Variants in CHIC1 observed in about 807,000 individuals in gnomAD.
CHIC1 encodes cysteine rich hydrophobic domain 1.
Under a neutral mutation model 18.5 loss-of-function variants are expected in CHIC1, and 7 were observed. The observed-to-expected ratio is 0.38, with a 90% CI of 0.22 to 0.71. The LOEUF (loss-of-function observed/expected upper bound fraction) is 0.71. Among genes scored for constraint, CHIC1 ranks in the 30% least tolerant of loss-of-function variants. The probability of loss-of-function intolerance (pLI) is 0.49; values close to 1 mark genes in which losing one functional copy is unlikely to be tolerated. For synonymous variants in CHIC1, 77 were observed against 73.5 expected (o/e 1.05, Z -0.25); for missense variants, 159 against 176.9 (o/e 0.90, Z 0.57).
At chrX:73,652,513 C>T (rs2057921956) in intron 3 of CHIC1, among the ~76,000 whole-genome samples, 2 of 112,052 alleles carry the variant, frequency 1.8e-5, no homozygotes, top group African/African-American at 3.2e-5. Context: ...TACCCAGAAT[C>T]TACTAGGAAC....
At chrX:73,664,720 A>G (rs1374545937) in intron 3 of CHIC1, among the ~76,000 whole-genome samples, 2 of 111,773 alleles carry the variant, frequency 1.8e-5, no homozygotes, top group African/African-American at 6.5e-5. Context: ...ACACTTGTGT[A>G]TAGACCTGGG....
At chrX:73,621,846 T>G (rs796589693) in intron 3 of CHIC1, among the ~76,000 whole-genome samples, 2 of 112,110 alleles carry the variant, frequency 1.8e-5, no homozygotes, top group South Asian at 7.4e-4. Flanking sequence ...TATGAATAGC[T>G]CTTGTTATTT....
intron 3 of CHIC1, among the ~76,000 whole-genome samples, chrX:73,597,150 G>A (rs1249150619): frequency 8.9e-6 from 1 of 112,120 alleles, no homozygotes; most frequent in Non-Finnish European, 1.9e-5. Context: ...ATCAATGTGT[G>A]TTATTTTCCA....
Position 73,584,581 on chromosome X carries a change from CTG to C in CHIC1, c.507+11_507+12del. 8.9e-7 allele frequency: 1 copy of C among 1,121,901 alleles called. No homozygotes were observed. Among genetic ancestry groups the C allele is most frequent in the Non-Finnish European group, 1.2e-6 (1 of 838,979 alleles). 92.5% of individuals were successfully genotyped at this position (1,121,901 alleles called of 1,213,427 possible). On this transcript the variant is annotated intron_variant, in intron 3 of 5. Coordinates refer to ENST00000373502, the MANE Select transcript of CHIC1 (RefSeq NM_001039840.4). The stretch of plus-strand genomic sequence containing the variant: ...TTTGTCTCAACAAAAGAGTGAGTAA[CTG>C]TTTTATTGTATAATAATAATAATAA...
chrX:73,566,351 T>TAG (rs752713312), intron 1 of CHIC1, among the ~76,000 whole-genome samples: 111 of 109,791 alleles, frequency 1.0e-3, no homozygotes, highest in Non-Finnish European at 1.9e-3. Flanking sequence ...GGATATTAAT[T>TAG]AGCTCTGAGT....
rs181053466 is a variant in CHIC1 at position 73,621,706 on chromosome X, G to T, written c.507+37134G>T. Among the ~76,000 whole-genome samples, 3 of 111,699 alleles carry T rather than the reference G, an allele frequency of 2.7e-5. No individual in the cohort carries two copies. The East Asian group carries it at 8.5e-4, about 32-fold the overall frequency. ...CTTTATTTCTTTGTCTTGCCTGATT[G>T]CCCTGGCCAGAACTTCAAATATTAT... On this transcript the variant is annotated intron_variant, in intron 3 of 5. Coordinates refer to ENST00000373502, the MANE Select transcript of CHIC1 (RefSeq NM_001039840.4).
intron 3 of CHIC1, among the ~76,000 whole-genome samples, chrX:73,644,357 C>A (rs2057876302): frequency 1.8e-5 from 2 of 112,357 alleles, no homozygotes; most frequent in African/African-American, 6.5e-5. Context: ...AGGCAGTCTG[C>A]CCGTTCTCAG....
At chrX:73,597,539 TA>T (rs1306840288) in intron 3 of CHIC1, among the ~76,000 whole-genome samples, 1 of 107,236 alleles carries the variant, frequency 9.3e-6, no homozygotes, top group African/African-American at 3.4e-5. Context: ...CATTATATCT[TA>T]AAAAAATATA....
chrX:73,579,457 A>G (rs1473428952), intron 2 of CHIC1, among the ~76,000 whole-genome samples: 4 of 110,103 alleles, frequency 3.6e-5, no homozygotes, highest in Non-Finnish European at 7.7e-5. Flanking sequence ...CTGGCTTTCA[A>G]TTTTTCATTG....
chrX:73,583,740 C>T (rs779825915), intron 2 of CHIC1, among the ~76,000 whole-genome samples: 84 of 111,414 alleles, frequency 7.5e-4, no homozygotes, highest in Admixed American at 1.7e-3. Context: ...GCAGCCACTT[C>T]CAAGAATGGA....
chrX:73,576,638 T>G (rs2057500905), intron 1 of CHIC1, among the ~76,000 whole-genome samples: 1 of 110,920 alleles, frequency 9.0e-6, no homozygotes, highest in East Asian at 2.8e-4. Context: ...TGTTACTGTC[T>G]TTTCCTTTTT....
At chrX:73,573,919 T>C (rs192837350) in intron 1 of CHIC1, among the ~76,000 whole-genome samples, 143 of 110,853 alleles carry the variant, frequency 1.3e-3, no homozygotes, top group African/African-American at 4.3e-3. Context: ...CATGCCTTTT[T>C]TTCTTCTCTT....
At chrX:73,673,306 G>A (rs367881848) in intron 3 of CHIC1, among the ~76,000 whole-genome samples, 2 of 111,706 alleles carry the variant, frequency 1.8e-5, no homozygotes, top group East Asian at 2.8e-4. Context: ...TAACTTGATG[G>A]GGATGGCATT....
At chrX:73,588,442 A>G (rs904992462) in intron 3 of CHIC1, among the ~76,000 whole-genome samples, 2 of 111,493 alleles carry the variant, frequency 1.8e-5, no homozygotes, top group African/African-American at 6.5e-5. Context: ...TAACCACTTT[A>G]AAGTGGATAA....
At chrX:73,672,067 G>A (rs2058033807) in intron 3 of CHIC1, among the ~76,000 whole-genome samples, 1 of 110,908 alleles carries the variant, frequency 9.0e-6, no homozygotes, top group Admixed American at 9.6e-5. Flanking sequence ...ATGGTTTCTG[G>A]TTCATCCATG....
At chrX:73,672,274 G>T (rs2058035365) in intron 3 of CHIC1, among the ~76,000 whole-genome samples, 1 of 111,699 alleles carries the variant, frequency 9.0e-6, no homozygotes, top group African/African-American at 3.3e-5. Flanking sequence ...AATCCTTTGG[G>T]TATATACCCA....
intron 3 of CHIC1, among the ~76,000 whole-genome samples, chrX:73,675,145 T>A (rs1363386603): frequency 8.9e-6 from 1 of 111,889 alleles, no homozygotes; most frequent in Non-Finnish European, 1.9e-5. Flanking sequence ...GAGGAGTGCT[T>A]TACTTCCGTG....
chrX:73,568,037 T>C (rs1263729330), intron 1 of CHIC1, among the ~76,000 whole-genome samples: 1 of 111,800 alleles, frequency 8.9e-6, no homozygotes, highest in Non-Finnish European at 1.9e-5. Context: ...GAATGAATAT[T>C]GGTTCACTTT....
chrX:73,563,388 C>T lies in CHIC1; in HGVS notation c.104C>T (p.Ser35Leu), dbSNP rs759841020. Residue 35 changes from serine (S) to leucine (L), a missense_variant, in exon 1 of 6, where the codon TCG becomes TTG. By Grantham distance (145) the Ser-to-Leu change is moderately radical. Coordinates refer to ENST00000373502, the MANE Select transcript of CHIC1 (RefSeq NM_001039840.4). ...AATSSSSPSS[S>L]SSVSGPDDDE... is the part of the protein sequence containing the mutation. ...ACGTCGTCGTCGTCGCCGTCGTCGT[C>T]GTCGTCGGTATCTGGGCCCGACGAT... is the stretch of plus-strand genomic sequence containing the variant. 72 of 1,153,125 alleles carry T rather than the reference C, an allele frequency of 6.2e-5. No individual in the cohort carries two copies. Among genetic ancestry groups the T allele is most frequent in the Non-Finnish European group, 8.1e-5 (70 of 866,462 alleles).
Sources: allele counts gnomAD v4.1 joint callset (sites outside exome capture counted in the v4.1 genomes callset), GRCh38; gene constraint gnomAD v4.1.1; transcripts MANE v1.5; gene names NCBI Gene and HGNC (gene_info 2026-07-23, HGNC 2026-07-21).